CASP8: variants seen among roughly 807,000 people sequenced by gnomAD.
CASP8 encodes caspase-8.
In CASP8, 24 loss-of-function variants were observed where a neutral mutation model predicts 46.3. The ratio of observed to expected loss-of-function variants is 0.52; its 90% confidence interval spans 0.38 to 0.73. The LOEUF (loss-of-function observed/expected upper bound fraction) is 0.73, where lower values mean the gene tolerates loss of function less well. Ranked by LOEUF, CASP8 falls within the 30% of genes least tolerant of loss-of-function variation. The pLI is 0.00. For synonymous variants in CASP8, 188 were observed against 200.4 expected, an observed-to-expected ratio of 0.94 and a Z score of 0.52; for missense variants, 460 against 559.0, an observed-to-expected ratio of 0.82 and a Z score of 1.79.
At chr2:201,270,440 C>A (rs559734303) in intron 2 of CASP8, among the ~76,000 whole-genome samples, 34 of 152,350 alleles carry the variant, frequency 2.2e-4, no homozygotes, top group African/African-American at 7.7e-4. Flanking sequence ...AAGGCTCCAA[C>A]ACCAATAGCC....
At chr2:201,248,980 C>G (rs1235572063) in intron 2 of CASP8, among the ~76,000 whole-genome samples, 2 of 152,200 alleles carry the variant, frequency 1.3e-5, no homozygotes, top group African/African-American at 4.8e-5. Context: ...CAACCTCTGC[C>G]TCCTGGGTTC....
chr2:201,251,982 T>C (rs1188083218), intron 2 of CASP8, among the ~76,000 whole-genome samples: 1 of 152,234 alleles, frequency 6.6e-6, no homozygotes, highest in South Asian at 2.1e-4. Flanking sequence ...CCACGAGTAA[T>C]GAATGAGAGT....
chr2:201,243,329 A>G (rs1946380298), intron 2 of CASP8, among the ~76,000 whole-genome samples: 1 of 152,210 alleles, frequency 6.6e-6, no homozygotes, highest in African/African-American at 2.4e-5. Flanking sequence ...TTTCCATTTA[A>G]TTAAAAGCAA....
upstream of CASP8, among the ~76,000 whole-genome samples, chr2:201,257,425 T>TG (rs1947073815): frequency 7.0e-6 from 1 of 142,978 alleles, no homozygotes; most frequent in Admixed American, 7.2e-5. Flanking sequence ...GAGGTTGCAG[T>TG]GAGTCAAGAT....
upstream of CASP8, among the ~76,000 whole-genome samples, chr2:201,257,463 C>T (rs1476721168): frequency 7.4e-6 from 1 of 135,536 alleles, no homozygotes; most frequent in Non-Finnish European, 1.6e-5. Flanking sequence ...GCCTGGGCAA[C>T]GCACCGAGAC....
chr2:201,247,824 T>G lies in CASP8; in HGVS notation c.-27+13712T>G, dbSNP rs545784315. 1.1e-4 allele frequency among the ~76,000 whole-genome samples: 17 copies of G among 152,292 alleles called. 1 individual carries two copies. The highest frequency in any genetic ancestry group is 3.6e-4 in the African/African-American group (15 of 41,556). The stretch of plus-strand genomic sequence containing the variant: ...CACACCTGGCTAATTTTTTGTATTT[T>G]TAGTGGAGACAGCGTTTCACTGTTT... On this transcript the variant is annotated intron_variant, in intron 2 of 6. Coordinates refer to the CASP8 transcript ENST00000264274.
chr2:201,264,812 C>T (rs1947681972), intron 1 of CASP8, among the ~76,000 whole-genome samples: 1 of 151,986 alleles, frequency 6.6e-6, no homozygotes, highest in Non-Finnish European at 1.5e-5. Flanking sequence ...GCCTGGGTGA[C>T]AGAGTGAGAC....
At chr2:201,249,357 C>G (rs34716089) in intron 2 of CASP8, among the ~76,000 whole-genome samples, 4 of 152,190 alleles carry the variant, frequency 2.6e-5, no homozygotes, top group South Asian at 2.1e-4. Flanking sequence ...TCACCTTTAC[C>G]CATGTATCAA....
chr2:201,282,591 C>CG lies in CASP8; in HGVS notation c.803-2221dup, dbSNP rs1949150449. ...CTGACCCCCCCACCGCCCTCCCGGA[C>CG]GGGGCGGCTGGCCAGGCAGAGGGGC... On this transcript the variant is annotated intron_variant, in intron 7 of 8. Transcript: ENST00000673742. 7.4e-5 allele frequency among the ~76,000 whole-genome samples: 7 copies of CG among 94,154 alleles called. 1 individual carries two copies. The highest frequency in any genetic ancestry group is 2.6e-5 in the Non-Finnish European group (1 of 39,030). 61.8% of individuals were successfully genotyped at this position (94,154 alleles called of 152,430 possible). A position where few individuals can be genotyped will look rare whatever the true frequency, so the allele number is the denominator to read the frequency against.
At chr2:201,277,753 T>A (rs1576350697) in intron 7 of CASP8, 2 of 422,968 alleles carry the variant, frequency 4.7e-6, no homozygotes, top group Non-Finnish European at 4.6e-6. Flanking sequence ...CAGGCTGGAG[T>A]GCAGTGGTGT....
rs1576177075 is a variant in CASP8 at position 201,237,038 on chromosome 2, T to C, written c.-27+2926T>C. On this transcript the variant is annotated intron_variant, in intron 2 of 6. Transcript: ENST00000264274. The stretch of plus-strand genomic sequence containing the variant: ...CATATTCTTAACCATTTGGATTCTT[T>C]TCAGTGCGTCTGTGTTTGTTCCTTT... Among the ~76,000 whole-genome samples the C allele has an allele frequency of 2.0e-5, 3 of 152,250 alleles. No homozygotes were observed. The East Asian group carries it at 5.8e-4, about 29-fold the overall frequency.
Position 201,285,171 on chromosome 2 carries a change from A to G in CASP8, c.1158A>G (p.Ser386=), listed in dbSNP as rs773959767. 2.2e-5 allele frequency: 35 copies of G among 1,614,102 alleles called. No individual in the cohort carries two copies. Among genetic ancestry groups the G allele is most frequent in the Non-Finnish European group, 2.7e-5 (32 of 1,180,044 alleles). The change falls in exon 8 of 9, where the codon TCA becomes TCG. Residue 386 remains serine, a synonymous_variant. Transcript: ENST00000673742. Reference sequence around the variant, plus strand: ...AACCCTATTTAGAAATGGATTTATCATCACCTCAAACGAGATATATCCCGG... The same window carrying G: ...AACCCTATTTAGAAATGGATTTATCGTCACCTCAAACGAGATATATCCCGG... ...EEQPYLEMDL[S]SPQTRYIPDE...
At chr2:201,264,380 G>A (rs979582016) in intron 1 of CASP8, among the ~76,000 whole-genome samples, 2 of 150,770 alleles carry the variant, frequency 1.3e-5, no homozygotes, top group Middle Eastern at 3.2e-3. Context: ...CTGTTTTTTT[G>A]TTTTGTTTTG....
chr2:201,261,652 G>A (rs951947528), intron 1 of CASP8, among the ~76,000 whole-genome samples: 7 of 152,284 alleles, frequency 4.6e-5, no homozygotes, highest in Non-Finnish European at 1.0e-4. Flanking sequence ...TGTCTGTCAG[G>A]TTCCGGGGCA....
chr2:201,239,257 T>C (rs1946194564), intron 2 of CASP8, among the ~76,000 whole-genome samples: 1 of 152,192 alleles, frequency 6.6e-6, no homozygotes, highest in Admixed American at 6.5e-5. Flanking sequence ...ATTGTCATCA[T>C]GGCCCGTTCT....
chr2:201,238,478 G>A (rs986820540), intron 2 of CASP8, among the ~76,000 whole-genome samples: 12 of 149,858 alleles, frequency 8.0e-5, no homozygotes, highest in Non-Finnish European at 1.6e-4. Flanking sequence ...GTCTTACTCT[G>A]TCACTCAGGC....
intron 2 of CASP8, among the ~76,000 whole-genome samples, chr2:201,246,168 G>A (rs897421334): frequency 1.3e-5 from 2 of 152,160 alleles, no homozygotes; most frequent in African/African-American, 4.8e-5. Context: ...CCAGCCATTT[G>A]TTCTTTCTAA....
intron 2 of CASP8, among the ~76,000 whole-genome samples, chr2:201,268,286 C>A (rs1486521928): frequency 6.6e-6 from 1 of 152,220 alleles, no homozygotes; most frequent in African/African-American, 2.4e-5. Flanking sequence ...TGAGGTGGCT[C>A]ACGCCTGTAA....
intron 2 of CASP8, among the ~76,000 whole-genome samples, chr2:201,251,997 G>C (rs1232029497): frequency 6.6e-6 from 1 of 152,128 alleles, no homozygotes; most frequent in African/African-American, 2.4e-5. Context: ...GAGAGTTCCT[G>C]TTACTTCACA....
Sources: allele counts gnomAD v4.1 joint callset (sites outside exome capture counted in the v4.1 genomes callset), GRCh38; gene constraint gnomAD v4.1.1; transcripts MANE v1.5; gene names NCBI Gene and HGNC (gene_info 2026-07-23, HGNC 2026-07-21).